Variants in KCNMB2 observed in about 807,000 individuals in gnomAD.
KCNMB2 encodes the protein potassium calcium-activated channel subfamily M regulatory beta subunit 2.
Under a neutral mutation model 24.5 loss-of-function variants are expected in KCNMB2, and 9 were observed. The observed-to-expected ratio is 0.37, with a 90% CI of 0.22 to 0.64. KCNMB2 has a LOEUF of 0.64. Ranked by LOEUF, KCNMB2 falls within the 30% of genes least tolerant of loss-of-function variation. The pLI is 0.63. For missense variants in KCNMB2, 226 were observed against 284.3 expected (o/e 0.79, Z 1.47); for synonymous variants, 109 against 104.4 (o/e 1.04, Z -0.27).
chr3:178,722,984 G>A lies in KCNMB2; in HGVS notation c.-67-84359G>A, dbSNP rs187298895. On this transcript the variant is annotated intron_variant, in intron 1 of 4. Transcript: ENST00000452583. ...ATTCAAACCATAACAGTGTCCTTTC[G>A]ATATTGGGCTGTCTTTGTATCTTTG... 2.0e-4 allele frequency among the ~76,000 whole-genome samples: 31 copies of A among 152,158 alleles called. No individual in the cohort carries two copies. The East Asian group carries it at 2.1e-3, about 10-fold the overall frequency.
chr3:178,638,868 A>G (rs1419899771), intron 1 of KCNMB2, among the ~76,000 whole-genome samples: 5 of 152,184 alleles, frequency 3.3e-5, no homozygotes, highest in Non-Finnish European at 7.4e-5. Context: ...TTAGTCAATC[A>G]TTTCCTTATG....
chr3:178,811,724 C>G (rs1033429835), intron 2 of KCNMB2, among the ~76,000 whole-genome samples: 17 of 152,218 alleles, frequency 1.1e-4, no homozygotes, highest in African/African-American at 4.1e-4. Context: ...AGATTTATAC[C>G]TAACATGGGA....
At chr3:178,631,554 G>A (rs1029764614) in intron 1 of KCNMB2, among the ~76,000 whole-genome samples, 5 of 152,172 alleles carry the variant, frequency 3.3e-5, no homozygotes, top group East Asian at 1.9e-4. Flanking sequence ...ACACTGGATC[G>A]GGGGGTCGAT....
At chr3:178,563,785 G>A (rs1716409274) in intron 1 of KCNMB2, among the ~76,000 whole-genome samples, 1 of 152,138 alleles carries the variant, frequency 6.6e-6, no homozygotes, top group African/African-American at 2.4e-5. Context: ...AGAGAGCATA[G>A]GCGTAGTGAT....
chr3:178,577,453 G>A lies in KCNMB2; in HGVS notation c.-68+40742G>A, dbSNP rs147757585. Reference sequence around the variant, plus strand: ...TTCTGAAAATTCCAAAAACCAGAACGTCTCTTCTCCTCCAAAGGATCACAA... The same window carrying A: ...TTCTGAAAATTCCAAAAACCAGAACATCTCTTCTCCTCCAAAGGATCACAA... On this transcript the variant is annotated intron_variant, in intron 1 of 4. Transcript: ENST00000452583. 5.1e-3 allele frequency among the ~76,000 whole-genome samples: 773 copies of A among 152,232 alleles called. 7 individuals carry two copies. The highest frequency in any genetic ancestry group is 0.018 in the African/African-American group (735 of 41,518).
intron 4 of KCNMB2, among the ~76,000 whole-genome samples, chr3:178,840,887 C>T (rs894578010): frequency 2.0e-5 from 3 of 152,240 alleles, no homozygotes; most frequent in Admixed American, 1.3e-4. Context: ...CTCCTCCTTA[C>T]TTATGCCAAT....
At chr3:178,734,763 G>A (rs978743329) in intron 1 of KCNMB2, among the ~76,000 whole-genome samples, 15 of 152,082 alleles carry the variant, frequency 9.9e-5, no homozygotes, top group Admixed American at 1.3e-4. Context: ...TCAAAGAACC[G>A]AGTTAACTGG....
intron 1 of KCNMB2, among the ~76,000 whole-genome samples, chr3:178,569,370 C>A (rs1716686174): frequency 1.3e-5 from 2 of 152,164 alleles, no homozygotes; most frequent in African/African-American, 4.8e-5. Context: ...GTTCATGTAA[C>A]CACATCTGCG....
chr3:178,810,902 CTTTTTTTT>C (rs56925343), intron 2 of KCNMB2, among the ~76,000 whole-genome samples: 2 of 107,988 alleles, frequency 1.9e-5, no homozygotes, highest in Non-Finnish European at 3.6e-5. Context: ...ACCTGGCTAA[CTTTTTTTT>C]TTTTTTTTTT....
At chr3:178,825,269 G>A (rs1265680251) in intron 2 of KCNMB2, among the ~76,000 whole-genome samples, 1 of 152,198 alleles carries the variant, frequency 6.6e-6, no homozygotes, top group Non-Finnish European at 1.5e-5. Context: ...GCATTATTTT[G>A]AGGGTTGAGG....
chr3:178,711,322 G>C (rs1722446046), intron 1 of KCNMB2, among the ~76,000 whole-genome samples: 2 of 151,986 alleles, frequency 1.3e-5, no homozygotes, highest in Non-Finnish European at 2.9e-5. Context: ...TCTTAATATT[G>C]TGCCTGGCAT....
At chr3:178,626,841 G>A (rs1363615456) in intron 1 of KCNMB2, among the ~76,000 whole-genome samples, 1 of 149,426 alleles carries the variant, frequency 6.7e-6, no homozygotes, top group Non-Finnish European at 1.5e-5. Context: ...AGTATAGTAA[G>A]TATATATATA....
At chr3:178,842,218 T>A (rs1349343971) in intron 4 of KCNMB2, among the ~76,000 whole-genome samples, 2 of 152,336 alleles carry the variant, frequency 1.3e-5, no homozygotes, top group East Asian at 3.9e-4. Context: ...TTTTATGTTA[T>A]GTGGACAGAT....
intron 1 of KCNMB2, among the ~76,000 whole-genome samples, chr3:178,756,304 T>C (rs1442168142): frequency 6.6e-6 from 1 of 151,772 alleles, no homozygotes; most frequent in Non-Finnish European, 1.5e-5. Flanking sequence ...ATATGGGCAG[T>C]CAATTCTCAT....
intron 1 of KCNMB2, among the ~76,000 whole-genome samples, chr3:178,800,227 A>G (rs1713722085): frequency 1.3e-5 from 2 of 152,192 alleles, no homozygotes; most frequent in Non-Finnish European, 2.9e-5. Flanking sequence ...AAGAATCAAC[A>G]AAGTGAAGAG....
intron 1 of KCNMB2, among the ~76,000 whole-genome samples, chr3:178,623,839 A>C (rs1719006570): frequency 6.6e-6 from 1 of 152,162 alleles, no homozygotes; most frequent in African/African-American, 2.4e-5. Flanking sequence ...GCTATTCATG[A>C]TGTCAGGGGT....
intron 1 of KCNMB2, among the ~76,000 whole-genome samples, chr3:178,614,225 C>T (rs1262947916): frequency 8.4e-6 from 1 of 119,390 alleles, no homozygotes; most frequent in Admixed American, 9.5e-5. Context: ...CTGATAAAGA[C>T]ATACCTAAGA....
intron 1 of KCNMB2, among the ~76,000 whole-genome samples, chr3:178,674,143 ACT>A (rs1414376715): frequency 6.8e-6 from 1 of 146,572 alleles, no homozygotes; most frequent in Non-Finnish European, 1.5e-5. Flanking sequence ...CCCACTGGCC[ACT>A]CTCTTTCACT....
chr3:178,794,789 G>C (rs77727126), intron 1 of KCNMB2, among the ~76,000 whole-genome samples: 1 of 152,076 alleles, frequency 6.6e-6, no homozygotes, highest in African/African-American at 2.4e-5. Context: ...AGGGTCTTAA[G>C]TAATCACCAC....
Sources: allele counts gnomAD v4.1 joint callset (sites outside exome capture counted in the v4.1 genomes callset), GRCh38; gene constraint gnomAD v4.1.1; transcripts MANE v1.5; gene names NCBI Gene and HGNC (gene_info 2026-07-23, HGNC 2026-07-21).